The following DLG2 variants were observed in gnomAD, a reference collection of about 807,000 sequenced individuals.
DLG2 encodes the protein disks large homolog 2.
DLG2 carries 45 observed loss-of-function variants against 132.5 expected under a neutral mutation model. That is an observed-to-expected ratio of 0.34 (90% confidence interval 0.27 to 0.44). The LOEUF is 0.44. DLG2 is among the 20% of genes least tolerant of loss of function. DLG2 has a pLI of 1.00. For missense variants in DLG2, 1,045 were observed against 1,196.9 expected, an observed-to-expected ratio of 0.87 and a Z score of 1.87; for synonymous variants, 424 against 419.6, an observed-to-expected ratio of 1.01 and a Z score of -0.13.
chr11:83,926,722 T>A (rs907219398), intron 15 of DLG2, among the ~76,000 whole-genome samples: 2 of 151,902 alleles, frequency 1.3e-5, no homozygotes, highest in East Asian at 1.9e-4. Flanking sequence ...TGGATAAGGG[T>A]TTTTCTATCT....
At chr11:85,484,010 A>G (rs2093362590) in intron 3 of DLG2, among the ~76,000 whole-genome samples, 1 of 152,198 alleles carries the variant, frequency 6.6e-6, no homozygotes, top group African/African-American at 2.4e-5. Context: ...AATGCAGCCC[A>G]AAGCGGGTGG....
chr11:83,695,381 T>A (rs921012426), intron 18 of DLG2, among the ~76,000 whole-genome samples: 1 of 152,186 alleles, frequency 6.6e-6, no homozygotes, highest in African/African-American at 2.4e-5. Context: ...ATGAGGTGCT[T>A]AGCGATCACC....
chr11:84,220,686 T>C (rs2096900268), intron 8 of DLG2, among the ~76,000 whole-genome samples: 1 of 151,810 alleles, frequency 6.6e-6, no homozygotes, highest in Non-Finnish European at 1.5e-5. Flanking sequence ...AGCTACCAAA[T>C]GAGTTTAGGG....
chr11:83,975,916 T>C (rs2092135598), intron 12 of DLG2, among the ~76,000 whole-genome samples: 1 of 151,916 alleles, frequency 6.6e-6, no homozygotes, highest in African/African-American at 2.4e-5. Context: ...TAAATAGTTT[T>C]CGGGAGGTAT....
intron 21 of DLG2, among the ~76,000 whole-genome samples, chr11:83,488,068 A>G (rs1179837849): frequency 6.6e-6 from 1 of 151,974 alleles, no homozygotes; most frequent in East Asian, 1.9e-4. Flanking sequence ...ATTGTATACT[A>G]TGTGAATTAT....
intron 6 of DLG2, among the ~76,000 whole-genome samples, chr11:84,741,216 G>C (rs2064606273): frequency 6.6e-6 from 1 of 151,686 alleles, no homozygotes; most frequent in East Asian, 1.9e-4. Context: ...ACAGGCGCCC[G>C]CCACTGCGCC....
At chr11:83,761,296 G>C (rs2093896335) in intron 18 of DLG2, among the ~76,000 whole-genome samples, 1 of 152,058 alleles carries the variant, frequency 6.6e-6, no homozygotes, top group Middle Eastern at 3.2e-3. Flanking sequence ...TAATAGTCCT[G>C]GAGTACCTCT....
chr11:85,392,952 C>A (rs182939970), intron 3 of DLG2, among the ~76,000 whole-genome samples: 21 of 152,152 alleles, frequency 1.4e-4, no homozygotes, highest in African/African-American at 4.8e-4. Context: ...AAAGCTGATA[C>A]AACAAAAACA....
intron 8 of DLG2, among the ~76,000 whole-genome samples, chr11:84,169,854 CAG>C (rs1245342683): frequency 4.2e-5 from 6 of 141,978 alleles, no homozygotes; most frequent in Admixed American, 3.7e-4. Context: ...GCCTGGGCAA[CAG>C]AGTGAGACTT....
At chr11:85,618,094 C>T (rs752985505) in intron 2 of DLG2, among the ~76,000 whole-genome samples, 15 of 151,982 alleles carry the variant, frequency 9.9e-5, no homozygotes, top group African/African-American at 3.4e-4. Flanking sequence ...TGAACCCATG[C>T]GGAAAGCTTA....
chr11:85,523,181 G>C (rs889545817), intron 3 of DLG2, among the ~76,000 whole-genome samples: 7 of 152,152 alleles, frequency 4.6e-5, no homozygotes, highest in African/African-American at 1.7e-4. Context: ...AGATCTGATG[G>C]TTTTGTGAGG....
At chr11:84,758,086 C>T (rs1011644417) in intron 6 of DLG2, among the ~76,000 whole-genome samples, 10 of 152,182 alleles carry the variant, frequency 6.6e-5, no homozygotes, top group African/African-American at 2.4e-4. Context: ...ATCTGAATAC[C>T]TCCAGCTACA....
chr11:84,839,608 A>G (rs2080325073), intron 6 of DLG2, among the ~76,000 whole-genome samples: 1 of 152,188 alleles, frequency 6.6e-6, no homozygotes, highest in South Asian at 2.1e-4. Context: ...ACAAGGCTAC[A>G]GTAACCAACA....
intron 3 of DLG2, among the ~76,000 whole-genome samples, chr11:85,390,115 T>C (rs1053583654): frequency 6.6e-6 from 1 of 152,086 alleles, no homozygotes; most frequent in African/African-American, 2.4e-5. Flanking sequence ...GAAACTCACC[T>C]GACACATAAC....
chr11:84,853,628 A>G (rs2082412319), intron 6 of DLG2, among the ~76,000 whole-genome samples: 1 of 152,046 alleles, frequency 6.6e-6, no homozygotes, highest in Non-Finnish European at 1.5e-5. Context: ...GGAGAAAATC[A>G]GTCCAGCAAG....
chr11:83,772,748 A>G (rs931908873), intron 18 of DLG2, among the ~76,000 whole-genome samples: 3 of 152,176 alleles, frequency 2.0e-5, no homozygotes, highest in Non-Finnish European at 2.9e-5. Context: ...TCCCCAGGCC[A>G]TTACACATTC....
chr11:84,461,660 G>A (rs1280595795), intron 7 of DLG2, among the ~76,000 whole-genome samples: 1 of 150,956 alleles, frequency 6.6e-6, no homozygotes, highest in East Asian at 1.9e-4. Flanking sequence ...TAGGCTTTGG[G>A]TGAGAATTTA....
At chr11:83,725,674 A>G (rs2089863612) in intron 18 of DLG2, among the ~76,000 whole-genome samples, 1 of 152,238 alleles carries the variant, frequency 6.6e-6, no homozygotes, top group African/African-American at 2.4e-5. Flanking sequence ...ATATTTTAGG[A>G]TGAATAGCTA....
At chr11:85,371,644 A>G (rs2084984014) in intron 3 of DLG2, among the ~76,000 whole-genome samples, 1 of 152,192 alleles carries the variant, frequency 6.6e-6, no homozygotes, top group African/African-American at 2.4e-5. Context: ...ACCCTTGTCT[A>G]TGCTGTCCCT....
Sources: allele counts gnomAD v4.1 joint callset (sites outside exome capture counted in the v4.1 genomes callset), GRCh38; gene constraint gnomAD v4.1.1; transcripts MANE v1.5; gene names NCBI Gene and HGNC (gene_info 2026-07-23, HGNC 2026-07-21).